PCDHGB3: variants seen among roughly 807,000 people sequenced by gnomAD.
PCDHGB3 encodes protocadherin gamma subfamily B, 3.
PCDHGB3 carries 40 observed loss-of-function variants against 59.2 expected under a neutral mutation model. That is an observed-to-expected ratio of 0.68 (90% CI 0.52 to 0.88). The LOEUF is 0.88. Ranked by LOEUF, PCDHGB3 falls within the 40% of genes least tolerant of loss-of-function variation. PCDHGB3 has a pLI of 0.00. For missense variants in PCDHGB3, 1,309 were observed against 1,187.9 expected, an observed-to-expected ratio of 1.10 and a Z score of -1.50; for synonymous variants, 581 against 503.6, an observed-to-expected ratio of 1.15 and a Z score of -2.06.
In PCDHGB3 at chr5:141,418,848, G is replaced by A. The variant is rs770294020; in HGVS notation, c.2415+46039G>A. 20 of 1,613,836 alleles carry A rather than the reference G, an allele frequency of 1.2e-5. No individual in the cohort carries two copies. Among genetic ancestry groups the A allele is most frequent in the South Asian group, 6.6e-5 (6 of 91,080 alleles). ...AAAGACCGAGGATCTCTCTCAACAC[G>A]GTGTAAAGTAATTGTAGAAGTTGTA... On this transcript the variant is annotated intron_variant, in intron 1 of 3. Coordinates refer to ENST00000576222, the MANE Select transcript of PCDHGB3 (RefSeq NM_018924.5).
At chr5:141,407,974 G>A (rs1229330658) in intron 1 of PCDHGB3, 3 of 728,612 alleles carry the variant, frequency 4.1e-6, no homozygotes, top group African/African-American at 1.8e-5. Context: ...CGCTGACGCC[G>A]GGGATCCGTC....
At position 141,414,317 on chromosome 5, in the gene PCDHGB3, AG is replaced by A. The variant is rs757847465; in HGVS notation, c.2415+41509del. On this transcript the variant is annotated intron_variant, in intron 1 of 3. Transcript: ENST00000576222. The stretch of plus-strand genomic sequence containing the variant: ...TTAAATGTGCATGATTTAGACTCTG[AG>A]CAGAATGGACAGGTAACCTGTTCCA... The A allele has an allele frequency of 1.9e-6, 3 of 1,613,828 alleles. No individual in the cohort carries two copies. In the South Asian group the frequency reaches 3.3e-5, roughly 18 times the overall value.
chr5:141,432,969 C>T lies in PCDHGB3; in HGVS notation c.2415+60160C>T, dbSNP rs754836894. On this transcript the variant is annotated intron_variant, in intron 1 of 3. Coordinates refer to ENST00000576222, the MANE Select transcript of PCDHGB3 (RefSeq NM_018924.5). The surrounding 1 kb of genome is among the most constrained non-coding windows in gnomAD (Gnocchi z 6.0). ...GGAGGCGGCTTGACAGGAGCGCCGG[C>T]GTCGCACTTTGTGGGCGTGGACGGG... The T allele has an allele frequency of 3.7e-6, 6 of 1,614,030 alleles. No individual in the cohort carries two copies. In the African/African-American group the frequency reaches 8.0e-5, roughly 22 times the overall value.
rs1460072742 is a variant in PCDHGB3, at chr5:141,399,761, G to A, written c.2415+26952G>A. 3 of 1,613,238 alleles carry A rather than the reference G, an allele frequency of 1.9e-6. No individual in the cohort carries two copies. The highest frequency in any genetic ancestry group is 1.7e-4 in the Middle Eastern group (1 of 5,918). On this transcript the variant is annotated intron_variant, in intron 1 of 3. Transcript: ENST00000576222. The stretch of plus-strand genomic sequence containing the variant: ...GCGCTCAGCGCAAACGTGAGCCTGC[G>A]CGTGTTGGTGGGCGACCGAAACGAC...
Position 141,511,039 on chromosome 5 carries a change from C to T in PCDHGB3, c.2656C>T (p.Pro886Ser). 1 of 1,614,196 alleles carries T rather than the reference C, an allele frequency of 6.2e-7. No homozygotes were observed. ...YGPQFTLQHV[P>S]DYRQNVYIPG... ...ACCCCAGTTCACCCTGCAGCACGTGCCCGACTACCGCCAGAATGTCTACAT... is the reference window on the plus strand; with the variant it reads ...ACCCCAGTTCACCCTGCAGCACGTGTCCGACTACCGCCAGAATGTCTACAT... The change falls in exon 4 of 4, where the codon CCC (proline) becomes TCC (serine). Residue 886 changes from proline (P) to serine (S), a missense_variant. Physicochemically the swap from Pro to Ser is moderately conservative, Grantham distance 74. Coordinates refer to ENST00000576222, the MANE Select transcript of PCDHGB3 (RefSeq NM_018924.5).
intron 1 of PCDHGB3, chr5:141,404,668 T>C: frequency 6.2e-7 from 1 of 1,614,148 alleles, no homozygotes; most frequent in Non-Finnish European, 8.5e-7. Flanking sequence ...CTGATGGTTC[T>C]ACTGGTGTGG....
At chr5:141,395,550 G>T (rs1402921293) in intron 1 of PCDHGB3, 4 of 47,806 alleles carry the variant, frequency 8.4e-5, no homozygotes, top group South Asian at 8.8e-4. Flanking sequence ...GTTTGTGTGT[G>T]TGTGTGTGTG....
At chr5:141,410,508 G>C in intron 1 of PCDHGB3, 2 of 1,613,968 alleles carry the variant, frequency 1.2e-6, no homozygotes, top group Non-Finnish European at 8.5e-7. Flanking sequence ...TTCCTAAAAT[G>C]CAGTGTGCCC....
At chr5:141,393,617 C>A (rs746699091) in intron 1 of PCDHGB3, 4 of 1,613,770 alleles carry the variant, frequency 2.5e-6, no homozygotes, top group African/African-American at 2.7e-5. Context: ...CAGCCAGCGA[C>A]CCGGATGAGG....
rs2097383403 is a variant in PCDHGB3 at position 141,431,483 on chromosome 5, T to C, written c.2415+58674T>C. On this transcript the variant is annotated intron_variant, in intron 1 of 3. Coordinates refer to ENST00000576222, the MANE Select transcript of PCDHGB3 (RefSeq NM_018924.5). This position sits in a 1 kb window ranked among gnomAD's most constrained non-coding sequence, Gnocchi z 4.8. ...GGATGCGAACGACAACGCACCAGCG[T>C]TTGCTCAGCCCGAGTACCGCGCGAG... 2 of 1,613,758 alleles carry C rather than the reference T, an allele frequency of 1.2e-6. No homozygotes were observed. The highest frequency in any genetic ancestry group is 2.7e-5 in the African/African-American group (2 of 74,938).
chr5:141,477,378 C>A lies in PCDHGB3; in HGVS notation c.2416-17429C>A. On this transcript the variant is annotated intron_variant, in intron 1 of 3. Coordinates refer to ENST00000576222, the MANE Select transcript of PCDHGB3 (RefSeq NM_018924.5). This position sits in a 1 kb window ranked among gnomAD's most constrained non-coding sequence, Gnocchi z 4.9. ...GCAGACCTGGATCGGGAGACTGTGC[C>A]AGAATACAACCTCAGCATCACCGCC... 2 of 1,614,136 alleles carry A rather than the reference C, an allele frequency of 1.2e-6. No homozygotes were observed. Among genetic ancestry groups the A allele is most frequent in the Non-Finnish European group, 1.7e-6 (2 of 1,180,034 alleles).
chr5:141,383,977 A>G (rs1187887484), intron 1 of PCDHGB3: 1 of 1,613,786 alleles, frequency 6.2e-7, no homozygotes, highest in Non-Finnish European at 8.5e-7. Flanking sequence ...CCCTGAAGAC[A>G]CACCTCTTGG....
rs538105673 is a variant in PCDHGB3, at chr5:141,427,796, C to T, written c.2415+54987C>T. On this transcript the variant is annotated intron_variant, in intron 1 of 3. Transcript: ENST00000576222. Reference sequence around the variant, plus strand: ...TGCGGGCACTGTCGTCCTACGTGTCCGTGAGCGCACAGAGCGGGGTGGTGG... The same window carrying T: ...TGCGGGCACTGTCGTCCTACGTGTCTGTGAGCGCACAGAGCGGGGTGGTGG... The T allele has an allele frequency of 3.6e-4, 547 of 1,502,104 alleles. 5 individuals carry two copies. In the South Asian group the frequency reaches 5.9e-3, roughly 16 times the overall value. The allele number at this position is 1,502,104 out of a possible 1,614,324, so 93.0% of individuals were successfully genotyped here.
At chr5:141,464,430 T>C (rs1213919443) in intron 1 of PCDHGB3, among the ~76,000 whole-genome samples, 1 of 151,680 alleles carries the variant, frequency 6.6e-6, no homozygotes, top group Non-Finnish European at 1.5e-5. Flanking sequence ...TATATAGATA[T>C]ATATGTTTGT....
rs1200487646 is a variant in PCDHGB3, at chr5:141,410,571, C to T, written c.2415+37762C>T. 3 of 1,612,028 alleles carry T rather than the reference C, an allele frequency of 1.9e-6. No homozygotes were observed. The highest frequency in any genetic ancestry group is 2.5e-6 in the Non-Finnish European group (3 of 1,179,884). On this transcript the variant is annotated intron_variant, in intron 1 of 3. Coordinates refer to ENST00000576222, the MANE Select transcript of PCDHGB3 (RefSeq NM_018924.5). The stretch of plus-strand genomic sequence containing the variant: ...AGTGTTTCTCCTGGAGCCTTAATTC[C>T]ACCTCATGGTGGGGAGGATTTGACT...
intron 1 of PCDHGB3, chr5:141,383,343 T>TG (rs760440635): frequency 1.2e-6 from 2 of 1,613,888 alleles, no homozygotes; most frequent in Non-Finnish European, 1.7e-6. Flanking sequence ...ATACAGCTCC[T>TG]GGGGTTCGGT....
At chr5:141,426,153 T>C (rs928934950) in intron 1 of PCDHGB3, 12 of 154,130 alleles carry the variant, frequency 7.8e-5, no homozygotes, top group African/African-American at 2.6e-4. Flanking sequence ...CTCCTGCAAA[T>C]CTGATTCCAT....
intron 1 of PCDHGB3, chr5:141,392,909 C>T: frequency 1.2e-6 from 2 of 1,613,876 alleles, no homozygotes; most frequent in Admixed American, 3.3e-5. Flanking sequence ...GACAGATTCG[C>T]TACTCTGTGC....
Position 141,375,862 on chromosome 5 carries a change from G to T in PCDHGB3, c.2415+3053G>T, listed in dbSNP as rs759161440. 4.3e-6 allele frequency: 7 copies of T among 1,613,976 alleles called. No individual in the cohort carries two copies. The South Asian group carries it at 7.7e-5, about 18-fold the overall frequency. On this transcript the variant is annotated intron_variant, in intron 1 of 3. Coordinates refer to ENST00000576222, the MANE Select transcript of PCDHGB3 (RefSeq NM_018924.5). Reference sequence around the variant, plus strand: ...GCTACCTGGTGACCAAGGTGGTGGCGGTGGACAGAGACTCGGGCCAGAACG... The same window carrying T: ...GCTACCTGGTGACCAAGGTGGTGGCTGTGGACAGAGACTCGGGCCAGAACG...
Sources: gnomAD v4.1 joint callset for allele counts (sites outside exome capture counted in the v4.1 genomes callset) on GRCh38, gnomAD v4.1.1 for gene constraint, Gnocchi (gnomAD v3.1) non-coding constraint, MANE v1.5 for transcripts, NCBI Gene and HGNC (gene_info 2026-07-23, HGNC 2026-07-21) for gene names.